The following LYPD6B variants were observed in gnomAD, a reference collection of about 807,000 sequenced individuals.
LYPD6B encodes the protein ly6/PLAUR domain-containing protein 6B.
A neutral mutation model predicts 22.8 loss-of-function variants in LYPD6B; 17 were observed. The ratio of observed to expected loss-of-function variants is 0.75; its 90% confidence interval spans 0.51 to 1.12. LYPD6B has a LOEUF of 1.12. Among genes scored for constraint, LYPD6B ranks in the 50% most tolerant of loss-of-function variants. LYPD6B has a pLI of 0.00. For synonymous variants in LYPD6B, 106 were observed against 91.6 expected, an observed-to-expected ratio of 1.16 and a Z score of -0.90; for missense variants, 221 against 258.3, an observed-to-expected ratio of 0.86 and a Z score of 0.99.
At chr2:149,158,090 A>G (rs1406287945) in intron 2 of LYPD6B, among the ~76,000 whole-genome samples, 1 of 152,188 alleles carries the variant, frequency 6.6e-6, no homozygotes, top group Non-Finnish European at 1.5e-5. Flanking sequence ...AAGAAAAACT[A>G]TTTAACAGAC....
chr2:149,127,595 C>G (rs1296758046), intron 1 of LYPD6B, among the ~76,000 whole-genome samples: 1 of 152,166 alleles, frequency 6.6e-6, no homozygotes. Context: ...CTCCCCTCTT[C>G]CTTGTATATA....
chr2:149,115,365 G>T (rs545656162), intron 1 of LYPD6B, among the ~76,000 whole-genome samples: 36 of 152,256 alleles, frequency 2.4e-4, no homozygotes, highest in African/African-American at 7.2e-4. Flanking sequence ...ATGTTTTCAT[G>T]GTCAAATGGA....
chr2:149,170,853 G>A (rs1328958578), intron 3 of LYPD6B, among the ~76,000 whole-genome samples: 1 of 152,092 alleles, frequency 6.6e-6, no homozygotes, highest in Non-Finnish European at 1.5e-5. Flanking sequence ...TTGTCTTCAG[G>A]CACTTGAAAT....
chr2:149,190,316 A>G (rs895844424), intron 3 of LYPD6B, among the ~76,000 whole-genome samples: 1 of 152,148 alleles, frequency 6.6e-6, no homozygotes, highest in African/African-American at 2.4e-5. Context: ...GCACGTATCT[A>G]TATTCCTTTT....
chr2:149,064,660 C>T (rs182225001), intron 1 of LYPD6B, among the ~76,000 whole-genome samples: 9 of 152,274 alleles, frequency 5.9e-5, no homozygotes, highest in Admixed American at 2.0e-4. Flanking sequence ...ACATTAGAAC[C>T]GGCAGCTCCA....
intron 2 of LYPD6B, among the ~76,000 whole-genome samples, chr2:149,160,206 AT>A (rs1366863379): frequency 6.6e-6 from 1 of 152,120 alleles, no homozygotes; most frequent in East Asian, 1.9e-4. Flanking sequence ...ATTGGGCATA[AT>A]TTTTGTCTTT....
intron 1 of LYPD6B, among the ~76,000 whole-genome samples, chr2:149,040,818 G>GCCTC (rs1178112293): frequency 6.6e-6 from 1 of 152,212 alleles, no homozygotes; most frequent in Non-Finnish European, 1.5e-5. Context: ...TTCATCTAAT[G>GCCTC]CATGGAGGGC....
At chr2:149,186,054 T>C (rs1692077226) in intron 3 of LYPD6B, among the ~76,000 whole-genome samples, 1 of 152,224 alleles carries the variant, frequency 6.6e-6, no homozygotes, top group African/African-American at 2.4e-5. Context: ...TTAATAACCC[T>C]ATGGCCTCTA....
intron 1 of LYPD6B, among the ~76,000 whole-genome samples, chr2:149,128,823 G>A (rs180760295): frequency 1.6e-4 from 25 of 152,256 alleles, no homozygotes; most frequent in Admixed American, 9.8e-4. Flanking sequence ...TACCAGTAAA[G>A]AACATATCAC....
chr2:149,097,104 G>A (rs964537778), intron 1 of LYPD6B, among the ~76,000 whole-genome samples: 1 of 152,230 alleles, frequency 6.6e-6, no homozygotes, highest in African/African-American at 2.4e-5. Flanking sequence ...TGCATTATTA[G>A]AGAAGTGGAT....
At chr2:149,048,496 T>A (rs1292010532) in intron 1 of LYPD6B, among the ~76,000 whole-genome samples, 2 of 152,186 alleles carry the variant, frequency 1.3e-5, no homozygotes, top group Non-Finnish European at 2.9e-5. Context: ...CTCTTTCAAC[T>A]CTCCCAGTGG....
intron 3 of LYPD6B, among the ~76,000 whole-genome samples, chr2:149,203,449 G>C (rs1693306642): frequency 6.6e-6 from 1 of 152,158 alleles, no homozygotes; most frequent in African/African-American, 2.4e-5. Context: ...CCAACTCAGA[G>C]AAATGAATAG....
intron 2 of LYPD6B, chr2:149,153,981 G>C: frequency 1.7e-6 from 1 of 575,050 alleles, no homozygotes; most frequent in Non-Finnish European, 2.2e-6. Flanking sequence ...CCTTGAAGAT[G>C]ACTCAAGAAT....
At chr2:149,067,894 T>C (rs1367640370) in intron 1 of LYPD6B, among the ~76,000 whole-genome samples, 2 of 152,166 alleles carry the variant, frequency 1.3e-5, no homozygotes, top group Non-Finnish European at 2.9e-5. Flanking sequence ...TTCTAGAGGG[T>C]AGAAAAGCTT....
chr2:149,132,920 A>G (rs1445552655), intron 2 of LYPD6B, among the ~76,000 whole-genome samples: 2 of 152,180 alleles, frequency 1.3e-5, no homozygotes, highest in African/African-American at 4.8e-5. Flanking sequence ...GGTGCATTTC[A>G]TTGTAGCAAC....
Position 149,213,034 on chromosome 2 carries a change from GAAGAA to G in LYPD6B, c.372_376del (p.Arg125HisfsTer12), listed in dbSNP as rs765565163. 3.1e-6 allele frequency: 5 copies of G among 1,613,946 alleles called. No homozygotes were observed. The South Asian group carries it at 5.5e-5, about 18-fold the overall frequency. On this transcript the variant is annotated frameshift_variant, in exon 6 of 7. Coordinates refer to ENST00000409642, the MANE Select transcript of LYPD6B (RefSeq NM_177964.5). LOFTEE classifies it high-confidence loss of function. ...ACAGTTCATCACTTCACCAGCCACG[GAAGAA>G]GCACATCCATCACCAAAAAGTGTGC...
At chr2:149,213,149 T>A (rs767948468) in intron 6 of LYPD6B, 27 bp downstream of exon 6, 1 of 1,611,928 alleles carries the variant, frequency 6.2e-7, no homozygotes, top group Non-Finnish European at 8.5e-7. Context: ...TGTGTTATTG[T>A]CTAAACTTTC....
At chr2:149,080,374 C>T (rs912313158) in intron 1 of LYPD6B, among the ~76,000 whole-genome samples, 14 of 152,310 alleles carry the variant, frequency 9.2e-5, no homozygotes, top group Middle Eastern at 3.4e-3. Flanking sequence ...TGCAATGGAC[C>T]TGTTTCCAAA....
chr2:149,188,688 G>T (rs1354233453), intron 3 of LYPD6B: 6 of 982,406 alleles, frequency 6.1e-6, no homozygotes, highest in Admixed American at 6.2e-5. Flanking sequence ...GGTGACAGAG[G>T]ATATATTCCG....
Sources: gnomAD v4.1 joint callset for allele counts (sites outside exome capture counted in the v4.1 genomes callset) on GRCh38, gnomAD v4.1.1 for gene constraint, MANE v1.5 for transcripts, NCBI Gene and HGNC (gene_info 2026-07-23, HGNC 2026-07-21) for gene names.